Variants in LEKR1 observed in about 807,000 individuals in gnomAD.
LEKR1 encodes the protein leucine, glutamate and lysine rich 1, also known as protein LEKR1.
LEKR1 carries 59 observed loss-of-function variants against 72.4 expected under a neutral mutation model. That is an observed-to-expected ratio of 0.82 (90% confidence interval 0.66 to 1.01). The LOEUF (loss-of-function observed/expected upper bound fraction) is 1.01. Among genes scored for constraint, LEKR1 ranks in the 50% least tolerant of loss-of-function variants. The pLI is 0.00. For synonymous variants in LEKR1, 257 were observed against 263.2 expected (o/e 0.98, Z 0.23); for missense variants, 728 against 759.2 (o/e 0.96, Z 0.48).
chr3:156,883,211 C>G (rs1468503879), intron 3 of LEKR1, among the ~76,000 whole-genome samples: 1 of 112,626 alleles, frequency 8.9e-6, no homozygotes, highest in Non-Finnish European at 1.8e-5. Flanking sequence ...TGATTTCAGA[C>G]TTGCATGGGG....
At chr3:156,867,110 A>G (rs1717398698) in intron 3 of LEKR1, among the ~76,000 whole-genome samples, 1 of 152,134 alleles carries the variant, frequency 6.6e-6, no homozygotes, top group South Asian at 2.1e-4. Context: ...GAAATACTTT[A>G]TAAAAGTCAG....
intron 9 of LEKR1, among the ~76,000 whole-genome samples, chr3:157,005,999 A>ATTTTT (rs748719503): frequency 7.1e-6 from 1 of 140,964 alleles, no homozygotes; most frequent in South Asian, 2.2e-4. Flanking sequence ...ACTACTATAC[A>ATTTTT]TTTTTTTTTT....
At chr3:156,946,569 T>C (rs1358704856) in intron 6 of LEKR1, among the ~76,000 whole-genome samples, 1 of 151,506 alleles carries the variant, frequency 6.6e-6, no homozygotes, top group African/African-American at 2.4e-5. Flanking sequence ...TGATACTAAA[T>C]GTGGACCTCT....
At chr3:156,838,834 C>T (rs1320209640) in intron 2 of LEKR1, among the ~76,000 whole-genome samples, 1 of 152,076 alleles carries the variant, frequency 6.6e-6, no homozygotes. Flanking sequence ...CAGACAGACC[C>T]CCAAACTTAT....
chr3:157,037,506 T>C (rs1735045966), intron 12 of LEKR1, among the ~76,000 whole-genome samples: 1 of 152,124 alleles, frequency 6.6e-6, no homozygotes, highest in Non-Finnish European at 1.5e-5. Flanking sequence ...GATTTTCTTT[T>C]CAGATTATGA....
chr3:156,934,400 AG>A (rs1437057379), intron 5 of LEKR1, among the ~76,000 whole-genome samples: 1 of 152,186 alleles, frequency 6.6e-6, no homozygotes, highest in Admixed American at 6.5e-5. Context: ...GGAACCTCTG[AG>A]TATTCTCTAA....
chr3:156,990,228 G>T (rs2321460), intron 7 of LEKR1, among the ~76,000 whole-genome samples: 1 of 152,020 alleles, frequency 6.6e-6, no homozygotes, highest in Non-Finnish European at 1.5e-5. Context: ...TTAAGGATAT[G>T]TATTCTTAGC....
At chr3:157,026,330 T>A (rs766832111) in intron 11 of LEKR1, among the ~76,000 whole-genome samples, 39 of 152,214 alleles carry the variant, frequency 2.6e-4, no homozygotes, top group Non-Finnish European at 1.6e-4. Flanking sequence ...AAGCTGGAAC[T>A]TGCCAAATGT....
intron 12 of LEKR1, among the ~76,000 whole-genome samples, chr3:157,045,109 C>T (rs1323697488): frequency 6.6e-6 from 1 of 152,168 alleles, no homozygotes; most frequent in Non-Finnish European, 1.5e-5. Flanking sequence ...GTTCTTGACT[C>T]CTCATCTGCA....
rs181637784 is a variant in LEKR1, at chr3:157,022,614, G to A, written c.1204-2146G>A. On this transcript the variant is annotated intron_variant, in intron 10 of 12. Transcript: ENST00000356539. ...GAGCTGTGTCCTGAAATAAGAGGGA[G>A]AAACAGGCTTTGGGAAGAGTGTTGT... Among the ~76,000 whole-genome samples, 258 of 152,238 alleles carry A rather than the reference G, an allele frequency of 1.7e-3. 2 individuals are homozygous for A. The highest frequency in any genetic ancestry group is 6.1e-3 in the African/African-American group (252 of 41,548).
chr3:157,042,603 T>C (rs1453188607), intron 12 of LEKR1, among the ~76,000 whole-genome samples: 1 of 152,234 alleles, frequency 6.6e-6, no homozygotes, highest in East Asian at 1.9e-4. Context: ...TTTATGTGAC[T>C]TGCTTTTTGG....
intron 3 of LEKR1, among the ~76,000 whole-genome samples, chr3:156,872,968 A>C (rs1718128598): frequency 6.6e-6 from 1 of 151,938 alleles, no homozygotes; most frequent in Non-Finnish European, 1.5e-5. Context: ...CTTTAGTTTA[A>C]TGTACAGCTT....
At chr3:156,842,985 C>A (rs1714126621) in intron 2 of LEKR1, among the ~76,000 whole-genome samples, 1 of 152,152 alleles carries the variant, frequency 6.6e-6, no homozygotes, top group East Asian at 1.9e-4. Flanking sequence ...CAGGTTAATT[C>A]TGTATGTATT....
chr3:156,942,637 C>A lies in LEKR1; in HGVS notation c.668C>A (p.Ser223Tyr), dbSNP rs373949080. The change falls in exon 6 of 13, where the codon TCT becomes TAT. Residue 223 changes from serine (S) to tyrosine (Y), a missense_variant. By Grantham distance (144) the Ser-to-Tyr change is moderately radical. Transcript: ENST00000356539. The part of the protein sequence containing the change: ...KLLSDAAILR[S>Y]QQIRTSRQQE... ...TTGTCAGATGCAGCCATATTGAGAT[C>A]TCAGCAGATTCGGACATCTAGACAA... 1.6e-6 allele frequency: 2 copies of A among 1,268,656 alleles called. No individual in the cohort carries two copies. Among genetic ancestry groups the A allele is most frequent in the Non-Finnish European group, 2.0e-6 (2 of 980,846 alleles). 78.6% of individuals were successfully genotyped at this position (1,268,656 alleles called of 1,614,324 possible).
chr3:156,938,639 G>A (rs1725932126), intron 5 of LEKR1, among the ~76,000 whole-genome samples: 1 of 152,176 alleles, frequency 6.6e-6, no homozygotes, highest in African/African-American at 2.4e-5. Context: ...CTCCCAAAGT[G>A]CTGGGATTAC....
intron 3 of LEKR1, among the ~76,000 whole-genome samples, chr3:156,905,421 A>G (rs1159424093): frequency 6.6e-6 from 1 of 152,194 alleles, no homozygotes; most frequent in Admixed American, 6.5e-5. Flanking sequence ...AATTTTCTAA[A>G]TAAAAGCAGT....
At chr3:156,890,839 G>GT (rs893844527) in intron 3 of LEKR1, among the ~76,000 whole-genome samples, 4 of 145,428 alleles carry the variant, frequency 2.8e-5, no homozygotes, top group Non-Finnish European at 4.6e-5. Context: ...GTGGCCAGTT[G>GT]TTTTTTTTCT....
rs572306917 is a variant in LEKR1 at position 156,992,714 on chromosome 3, A to G, written c.889A>G (p.Ile297Val). ...RELKKLKFES[I>V]ISESQHTMLL... ...ACTTAAAAAACTGAAGTTTGAATCC[A>G]TTATTTCTGAGTCACAGTATGCATT... The change falls in exon 8 of 13, where the codon ATT becomes GTT. Residue 297 changes from isoleucine to valine, a missense_variant. Physicochemically the swap from Ile to Val is conservative, Grantham distance 29 (BLOSUM62 3). Transcript: ENST00000356539. 9 of 1,029,712 alleles carry G rather than the reference A, an allele frequency of 8.7e-6. No individual in the cohort carries two copies. The Admixed American group carries it at 3.3e-4, about 38-fold the overall frequency. The allele number at this position is 1,029,712 out of a possible 1,614,324, so 63.8% of individuals were successfully genotyped here.
intron 6 of LEKR1, chr3:156,977,479 G>T (rs1430029279): frequency 2.2e-6 from 1 of 450,492 alleles, no homozygotes; most frequent in East Asian, 6.3e-5. Context: ...AACAAGCATT[G>T]TTGCAAGAGA....
Sources: gnomAD v4.1 joint callset for allele counts (sites outside exome capture counted in the v4.1 genomes callset) on GRCh38, gnomAD v4.1.1 for gene constraint, MANE v1.5 for transcripts, NCBI Gene and HGNC (gene_info 2026-07-23, HGNC 2026-07-21) for gene names.